RTN3: variants seen among roughly 807,000 people sequenced by gnomAD.
The protein encoded by RTN3 is reticulon 3.
In RTN3, 49 loss-of-function variants were observed where a neutral mutation model predicts 77.8. The observed-to-expected ratio is 0.63, with a 90% CI of 0.50 to 0.80. The LOEUF is 0.80. Ranked by LOEUF, RTN3 falls within the 30% of genes least tolerant of loss-of-function variation. The pLI, the probability that RTN3 is intolerant of heterozygous loss-of-function variation, is 0.00. For synonymous variants in RTN3, 464 were observed against 446.9 expected, an observed-to-expected ratio of 1.04 and a Z score of -0.48; for missense variants, 1,236 against 1,211.9, an observed-to-expected ratio of 1.02 and a Z score of -0.29.
At chr11:63,736,730 T>C (rs1400543151) in intron 3 of RTN3, among the ~76,000 whole-genome samples, 1 of 152,210 alleles carries the variant, frequency 6.6e-6, no homozygotes, top group Admixed American at 6.6e-5. Flanking sequence ...GTCTAGGTTA[T>C]ATGCAAATAC....
intron 3 of RTN3, among the ~76,000 whole-genome samples, chr11:63,726,191 AT>A (rs1399152709): frequency 6.6e-6 from 1 of 152,202 alleles, no homozygotes; most frequent in Non-Finnish European, 1.5e-5. Context: ...ACTGGACAAA[AT>A]TTTTAAAAAA....
At chr11:63,721,076 T>A (rs761598928) in intron 3 of RTN3, 44 bp downstream of exon 3, 2 of 1,497,614 alleles carry the variant, frequency 1.3e-6, no homozygotes, top group Non-Finnish European at 1.8e-6. Context: ...AATTCTGTGA[T>A]TGATTACTTA....
chr11:63,740,264 T>G (rs919885275), intron 3 of RTN3, among the ~76,000 whole-genome samples: 4 of 151,900 alleles, frequency 2.6e-5, no homozygotes, highest in Admixed American at 1.3e-4. Flanking sequence ...ATAAGGCCCC[T>G]TCTAACCTCC....
intron 3 of RTN3, among the ~76,000 whole-genome samples, chr11:63,733,319 C>T (rs1412569945): frequency 6.6e-6 from 1 of 152,104 alleles, no homozygotes; most frequent in African/African-American, 2.4e-5. Flanking sequence ...GAAACCCCGT[C>T]TCTACTAAAA....
intron 1 of RTN3, among the ~76,000 whole-genome samples, chr11:63,696,435 C>G (rs575011407): frequency 6.8e-6 from 1 of 147,960 alleles, no homozygotes; most frequent in Non-Finnish European, 1.5e-5. Flanking sequence ...AAGCCAGGTG[C>G]GGTGGCTCAC....
intron 3 of RTN3, among the ~76,000 whole-genome samples, chr11:63,727,654 C>A (rs960715215): frequency 6.6e-6 from 1 of 151,960 alleles, no homozygotes; most frequent in African/African-American, 2.4e-5. Context: ...GCTTCAGAAC[C>A]CTGTGGGACA....
chr11:63,683,675 A>G (rs1941185128), intron 1 of RTN3, among the ~76,000 whole-genome samples: 1 of 152,206 alleles, frequency 6.6e-6, no homozygotes, highest in Non-Finnish European at 1.5e-5. Context: ...CTAAATTGGC[A>G]ATACGAATTT....
At chr11:63,748,258 T>C (rs1349463893) in intron 3 of RTN3, among the ~76,000 whole-genome samples, 1 of 150,276 alleles carries the variant, frequency 6.7e-6, no homozygotes, top group Non-Finnish European at 1.5e-5. Context: ...CCTGGGCAAC[T>C]AGATCTTACA....
In RTN3 at chr11:63,758,310, C is replaced by G. The variant is rs2014492959; in HGVS notation, c.*109C>G. Reference sequence around the variant, plus strand: ...CTCAGTGTCAGCTTGAGCCTGCATTCCAAGCTTTTTTTTTAATTTGGTGTT... The same window carrying G: ...CTCAGTGTCAGCTTGAGCCTGCATTGCAAGCTTTTTTTTTAATTTGGTGTT... On this transcript the variant is annotated 3_prime_UTR_variant, in exon 9 of 9. Coordinates refer to ENST00000377819, the MANE Select transcript of RTN3 (RefSeq NM_001265589.2). The G allele has an allele frequency of 4.3e-6, 7 of 1,613,044 alleles. No homozygotes were observed. Among genetic ancestry groups the G allele is most frequent in the Non-Finnish European group, 5.9e-6 (7 of 1,179,760 alleles).
chr11:63,714,871 T>A (rs2011304127), intron 2 of RTN3, among the ~76,000 whole-genome samples: 1 of 152,168 alleles, frequency 6.6e-6, no homozygotes, highest in South Asian at 2.1e-4. Flanking sequence ...AGAGGATGTG[T>A]TAGTATTCTG....
At chr11:63,736,803 A>G (rs1190214379) in intron 3 of RTN3, among the ~76,000 whole-genome samples, 7 of 152,154 alleles carry the variant, frequency 4.6e-5, no homozygotes, top group African/African-American at 1.4e-4. Context: ...GGATCCTGGA[A>G]CGAATCTCAT....
intron 7 of RTN3, among the ~76,000 whole-genome samples, chr11:63,755,678 G>C (rs1324408722): frequency 9.1e-6 from 1 of 110,030 alleles, no homozygotes; most frequent in Non-Finnish European, 1.9e-5. Flanking sequence ...AAAAAAAAAA[G>C]GCTGGGCACA....
chr11:63,696,105 A>C (rs1026228930), intron 1 of RTN3, among the ~76,000 whole-genome samples: 15 of 152,106 alleles, frequency 9.9e-5, no homozygotes, highest in South Asian at 2.1e-4. Context: ...AAAAAAAAAA[A>C]AAACCTATTT....
rs1187508834 is a variant in RTN3, at chr11:63,718,943, T to TG, written c.442dup (p.Ala148GlyfsTer7). 1 of 1,614,200 alleles carries TG rather than the reference T, an allele frequency of 6.2e-7. No individual in the cohort carries two copies. Among genetic ancestry groups the TG allele is most frequent in the Admixed American group, 1.7e-5 (1 of 60,030 alleles). ...ACGTATCAGACTCTTCAGTTTCTCT[T>TG]GCAGCAGGAGTTCATTGTGACCGTC... On this transcript the variant is annotated frameshift_variant, in exon 3 of 9. Coordinates refer to ENST00000377819, the MANE Select transcript of RTN3 (RefSeq NM_001265589.2). LOFTEE classifies it high-confidence loss of function.
At chr11:63,723,728 G>A (rs1033895832) in intron 3 of RTN3, among the ~76,000 whole-genome samples, 3 of 151,996 alleles carry the variant, frequency 2.0e-5, no homozygotes, top group African/African-American at 4.8e-5. Flanking sequence ...ACACACAGCC[G>A]ATTGTCTAGT....
At chr11:63,739,687 A>G (rs149471799) in intron 3 of RTN3, among the ~76,000 whole-genome samples, 2 of 152,312 alleles carry the variant, frequency 1.3e-5, no homozygotes, top group African/African-American at 4.8e-5. Flanking sequence ...CACGTCCTTT[A>G]TCCCATCTCA....
upstream of RTN3, chr11:63,681,469 C>G (rs918013610): frequency 2.6e-5 from 17 of 653,360 alleles, no homozygotes; most frequent in Non-Finnish European, 3.6e-5. Context: ...CTCGCGCTCC[C>G]GCCCTCTAGC....
rs906413821 is a variant in RTN3 at position 63,758,835 on chromosome 11, T to C, written c.*634T>C. Reference sequence around the variant, plus strand: ...AAAGAATAGAAATGGAAAGTGGGACTGAGAGGGAGTCAGCAGGCATGCTGC... The same window carrying C: ...AAAGAATAGAAATGGAAAGTGGGACCGAGAGGGAGTCAGCAGGCATGCTGC... On this transcript the variant is annotated 3_prime_UTR_variant, in exon 9 of 9. Coordinates refer to ENST00000377819, the MANE Select transcript of RTN3 (RefSeq NM_001265589.2). 1.3e-5 allele frequency: 2 copies of C among 153,334 alleles called. No individual in the cohort carries two copies. Among genetic ancestry groups the C allele is most frequent in the African/African-American group, 4.8e-5 (2 of 41,506 alleles). 9.5% of individuals were successfully genotyped at this position (153,334 alleles called of 1,614,324 possible).
At chr11:63,747,163 A>AC in intron 3 of RTN3, 1 of 378,762 alleles carries the variant, frequency 2.6e-6, no homozygotes, top group South Asian at 2.0e-5. Flanking sequence ...GGGCGGGAAT[A>AC]CCATAGAAGT....
Sources: gnomAD v4.1 joint callset for allele counts (sites outside exome capture counted in the v4.1 genomes callset) on GRCh38, gnomAD v4.1.1 for gene constraint, MANE v1.5 for transcripts, NCBI Gene and HGNC (gene_info 2026-07-23, HGNC 2026-07-21) for gene names.